PRR16: variants seen among roughly 807,000 people sequenced by gnomAD.
PRR16 encodes protein Largen.
A neutral mutation model predicts 18.2 loss-of-function variants in PRR16; 6 were observed. That is an observed-to-expected ratio of 0.33 (90% CI 0.18 to 0.65). The LOEUF (loss-of-function observed/expected upper bound fraction) is 0.65, where lower values mean the gene tolerates loss of function less well. PRR16 is among the 30% of genes least tolerant of loss of function. The pLI, the probability that PRR16 is intolerant of heterozygous loss-of-function variation, is 0.74. For missense variants in PRR16, 412 were observed against 376.6 expected (o/e 1.09, Z -0.78); for synonymous variants, 151 against 147.8 (o/e 1.02, Z -0.16).
rs544771831 is a variant in PRR16 at position 120,617,836 on chromosome 5, A to T, written c.160-68118A>T. Among the ~76,000 whole-genome samples, 5 of 152,282 alleles carry T rather than the reference A, an allele frequency of 3.3e-5. No individual in the cohort carries two copies. In the East Asian group the frequency reaches 9.6e-4, roughly 29 times the overall value. ...TATGCCATATGTGACCATAAGAACGATCATTACCTTTAACAGCTGTGAATT... is the reference window on the plus strand; with the variant it reads ...TATGCCATATGTGACCATAAGAACGTTCATTACCTTTAACAGCTGTGAATT... On this transcript the variant is annotated intron_variant, in intron 1 of 1. Transcript: ENST00000407149.
chr5:120,712,161 C>T, the PRR16 span, among the ~76,000 whole-genome samples: 2 of 152,078 alleles, frequency 1.3e-5, no homozygotes, highest in African/African-American at 2.4e-5. Flanking sequence ...ATGCTTACTA[C>T]GTGTAAGCAA....
intron 1 of PRR16, among the ~76,000 whole-genome samples, chr5:120,664,037 G>C (rs181139780): frequency 6.6e-6 from 1 of 152,148 alleles, no homozygotes. Context: ...GGTGGCTCAT[G>C]CCTGTAATCT....
At chr5:120,659,831 G>A (rs1170653172) in intron 1 of PRR16, among the ~76,000 whole-genome samples, 4 of 151,998 alleles carry the variant, frequency 2.6e-5, no homozygotes, top group African/African-American at 9.7e-5. Flanking sequence ...GTTTGAGAAT[G>A]TACCATTGAG....
chr5:120,714,563 T>C, the PRR16 span, among the ~76,000 whole-genome samples: 2 of 135,490 alleles, frequency 1.5e-5, no homozygotes, highest in Non-Finnish European at 3.4e-5. Context: ...GTTCAACCAT[T>C]GTAGAAGACA....
chr5:120,538,782 G>A (rs1751812799), intron 1 of PRR16, among the ~76,000 whole-genome samples: 1 of 152,182 alleles, frequency 6.6e-6, no homozygotes, highest in African/African-American at 2.4e-5. Flanking sequence ...TAAGGTATCA[G>A]TCATCTGAAT....
At chr5:120,755,809 C>T in the PRR16 span, among the ~76,000 whole-genome samples, 1 of 151,800 alleles carries the variant, frequency 6.6e-6, no homozygotes, top group African/African-American at 2.4e-5. Flanking sequence ...TTGTTTTAAA[C>T]AAAGAATCGG....
At chr5:120,779,019 G>C in the PRR16 span, among the ~76,000 whole-genome samples, 1 of 152,112 alleles carries the variant, frequency 6.6e-6, no homozygotes, top group African/African-American at 2.4e-5. Context: ...TCTGATTGAA[G>C]GTACTCTCAT....
intron 1 of PRR16, among the ~76,000 whole-genome samples, chr5:120,496,602 C>G (rs1438858200): frequency 6.6e-6 from 1 of 151,332 alleles, no homozygotes; most frequent in African/African-American, 2.4e-5. Context: ...CTCTTGTTTT[C>G]TTTGTCGATC....
At chr5:120,472,095 G>A (rs1749287770) in intron 1 of PRR16, among the ~76,000 whole-genome samples, 1 of 152,052 alleles carries the variant, frequency 6.6e-6, no homozygotes, top group African/African-American at 2.4e-5. Flanking sequence ...TGGTGTTTGA[G>A]ATAAATGTTT....
intron 1 of PRR16, among the ~76,000 whole-genome samples, chr5:120,553,727 A>AT (rs1415650569): frequency 2.6e-5 from 4 of 151,816 alleles, no homozygotes; most frequent in African/African-American, 2.4e-5. Flanking sequence ...TGTGTGTTGA[A>AT]TTTTTTCTAG....
At chr5:120,690,868 G>GA (rs1229835094), downstream of PRR16, among the ~76,000 whole-genome samples, 25 of 150,730 alleles carry the variant, frequency 1.7e-4, no homozygotes, top group Non-Finnish European at 3.1e-4. Flanking sequence ...ATCTACTGGG[G>GA]AAAAAAAAAC....
At chr5:120,499,979 C>T (rs1750392765) in intron 1 of PRR16, among the ~76,000 whole-genome samples, 1 of 152,106 alleles carries the variant, frequency 6.6e-6, no homozygotes, top group Non-Finnish European at 1.5e-5. Context: ...AGTGAAGCTA[C>T]TTTTTACTGT....
intron 1 of PRR16, among the ~76,000 whole-genome samples, chr5:120,595,163 T>C (rs963151521): frequency 2.0e-5 from 3 of 151,844 alleles, no homozygotes; most frequent in East Asian, 1.9e-4. Flanking sequence ...AAAATACCAA[T>C]AGAGTAAACA....
chr5:120,643,902 A>T (rs982545473), intron 1 of PRR16, among the ~76,000 whole-genome samples: 2 of 152,028 alleles, frequency 1.3e-5, no homozygotes, highest in African/African-American at 4.8e-5. Context: ...CTACTCAGGA[A>T]GCTGAGACAG....
chr5:120,551,960 C>T lies in PRR16; in HGVS notation c.159+87315C>T, dbSNP rs139973805. Among the ~76,000 whole-genome samples the T allele has an allele frequency of 4.2e-3, 637 of 152,030 alleles. 3 individuals are homozygous for T. Among genetic ancestry groups the T allele is most frequent in the African/African-American group, 0.014 (595 of 41,520 alleles). On this transcript the variant is annotated intron_variant, in intron 1 of 1. Coordinates refer to ENST00000407149, the MANE Select transcript of PRR16 (RefSeq NM_001300783.2). ...ATATACAGAGCATCTCATGGACTTA[C>T]TTTCTCATTTAGGACCAGAAAATAA...
At chr5:120,610,647 A>G (rs1754304417) in intron 1 of PRR16, among the ~76,000 whole-genome samples, 1 of 152,112 alleles carries the variant, frequency 6.6e-6, no homozygotes, top group African/African-American at 2.4e-5. Context: ...TTCTCTTGCC[A>G]CTGCCATGTA....
At chr5:120,570,817 T>A (rs115433682) in intron 1 of PRR16, among the ~76,000 whole-genome samples, 541 of 152,298 alleles carry the variant, frequency 3.6e-3, no homozygotes, top group African/African-American at 0.012. Flanking sequence ...ATAGACTTTC[T>A]GTAAATTTAA....
chr5:120,682,608 G>C (rs770531884), intron 1 of PRR16, among the ~76,000 whole-genome samples: 9 of 152,142 alleles, frequency 5.9e-5, no homozygotes, highest in Non-Finnish European at 1.2e-4. Context: ...ATGATAAAAT[G>C]TGTGGGGTAG....
At chr5:120,602,522 T>C (rs1441577601) in intron 1 of PRR16, among the ~76,000 whole-genome samples, 1 of 152,172 alleles carries the variant, frequency 6.6e-6, no homozygotes, top group Non-Finnish European at 1.5e-5. Context: ...AGAGATAGTT[T>C]GACTTCCTCT....
Sources: allele counts gnomAD v4.1 joint callset (sites outside exome capture counted in the v4.1 genomes callset), GRCh38; gene constraint gnomAD v4.1.1; transcripts MANE v1.5; gene names NCBI Gene and HGNC (gene_info 2026-07-23, HGNC 2026-07-21).